PDE11A: variants seen among roughly 807,000 people sequenced by gnomAD.
PDE11A encodes dual 3',5'-cyclic-AMP and -GMP phosphodiesterase 11A.
Under a neutral mutation model 100.5 loss-of-function variants are expected in PDE11A, and 100 were observed. The ratio of observed to expected loss-of-function variants is 1.00; its 90% CI spans 0.85 to 1.18. The LOEUF (loss-of-function observed/expected upper bound fraction) is 1.18, where lower values mean the gene tolerates loss of function less well. PDE11A is among the 50% of genes most tolerant of loss of function. The pLI is 0.00. For missense variants in PDE11A, 1,141 were observed against 1,152.6 expected, an observed-to-expected ratio of 0.99 and a Z score of 0.15; for synonymous variants, 381 against 420.8, an observed-to-expected ratio of 0.91 and a Z score of 1.16.
At chr2:177,776,336 T>G (rs937620361) in intron 9 of PDE11A, among the ~76,000 whole-genome samples, 1 of 152,230 alleles carries the variant, frequency 6.6e-6, no homozygotes, top group Non-Finnish European at 1.5e-5. Flanking sequence ...ACCCTCCTTC[T>G]ACATGCTCCA....
chr2:178,073,343 C>T (rs1212322104), upstream of PDE11A, among the ~76,000 whole-genome samples: 2 of 152,008 alleles, frequency 1.3e-5, no homozygotes, highest in Non-Finnish European at 1.5e-5. Context: ...ATAAAGTTTC[C>T]GATGTGAGCA....
chr2:177,906,461 C>A (rs79686215), intron 2 of PDE11A, among the ~76,000 whole-genome samples: 6,722 of 152,286 alleles, frequency 0.044, 214 homozygotes, highest in Middle Eastern at 0.12. Flanking sequence ...CTATTAAAAT[C>A]TTTCCTTGGT....
intron 2 of PDE11A, among the ~76,000 whole-genome samples, chr2:177,951,672 C>T (rs2085506815): frequency 6.6e-6 from 1 of 152,130 alleles, no homozygotes; most frequent in Non-Finnish European, 1.5e-5. Context: ...GGATATGTGA[C>T]ACCTGTTCAT....
chr2:178,071,120 C>G (rs933426942), intron 1 of PDE11A, among the ~76,000 whole-genome samples: 2 of 152,116 alleles, frequency 1.3e-5, no homozygotes, highest in Admixed American at 6.5e-5. Context: ...CCAAAGACAC[C>G]AAAATGCTCA....
At chr2:177,655,464 C>A (rs1223471129) in intron 19 of PDE11A, among the ~76,000 whole-genome samples, 1 of 152,164 alleles carries the variant, frequency 6.6e-6, no homozygotes, top group East Asian at 1.9e-4. Context: ...AGGAACTAAT[C>A]CATTCTTCTA....
intron 12 of PDE11A, 125 bp from the exon 13 acceptor site, chr2:177,712,003 C>A: frequency 1.5e-6 from 1 of 647,800 alleles, no homozygotes; most frequent in South Asian, 1.8e-5. Flanking sequence ...TTAACTGCCA[C>A]TCCCTCAGAC....
At chr2:177,845,179 C>A (rs1197883454) in intron 5 of PDE11A, among the ~76,000 whole-genome samples, 1 of 150,854 alleles carries the variant, frequency 6.6e-6, no homozygotes, top group Non-Finnish European at 1.5e-5. Context: ...TGACCCCCCC[C>A]ACCTCCCTCC....
intron 18 of PDE11A, among the ~76,000 whole-genome samples, chr2:177,667,916 C>A (rs1474637613): frequency 3.9e-5 from 6 of 152,134 alleles, no homozygotes; most frequent in Non-Finnish European, 1.5e-5. Flanking sequence ...GAGGGGGCTC[C>A]AGGACAGTTT....
At chr2:177,934,778 T>C (rs1287445149) in intron 2 of PDE11A, among the ~76,000 whole-genome samples, 1 of 152,230 alleles carries the variant, frequency 6.6e-6, no homozygotes, top group Non-Finnish European at 1.5e-5. Context: ...ATGTGATATA[T>C]ATACACCATG....
chr2:178,106,087 C>T (rs933564885), intron 1 of PDE11A, among the ~76,000 whole-genome samples: 1 of 152,096 alleles, frequency 6.6e-6, no homozygotes, highest in African/African-American at 2.4e-5. Flanking sequence ...TGTTATTCTG[C>T]CAATATTGAA....
At chr2:178,106,915 G>A (rs1171372885) in intron 1 of PDE11A, among the ~76,000 whole-genome samples, 3 of 142,342 alleles carry the variant, frequency 2.1e-5, no homozygotes, top group South Asian at 4.5e-4. Context: ...AGCCGAGATC[G>A]TGTCACTGCA....
chr2:177,848,738 A>G (rs1373810934), intron 5 of PDE11A, among the ~76,000 whole-genome samples: 1 of 152,204 alleles, frequency 6.6e-6, no homozygotes, highest in Non-Finnish European at 1.5e-5. Context: ...AGGGCTGACA[A>G]GTTGCAGAGT....
At chr2:177,913,332 C>T (rs189607114) in intron 2 of PDE11A, among the ~76,000 whole-genome samples, 7 of 152,232 alleles carry the variant, frequency 4.6e-5, no homozygotes, top group Non-Finnish European at 8.8e-5. Context: ...TTATTCAACA[C>T]ACAACTTATA....
chr2:177,965,675 T>A (rs912760482), intron 2 of PDE11A, among the ~76,000 whole-genome samples: 2 of 152,184 alleles, frequency 1.3e-5, no homozygotes, highest in African/African-American at 2.4e-5. Context: ...GTTGTAGGTG[T>A]GTGGCTTTAT....
chr2:177,879,024 A>T (rs535105865), intron 4 of PDE11A, among the ~76,000 whole-genome samples: 2 of 152,302 alleles, frequency 1.3e-5, no homozygotes, highest in Non-Finnish European at 2.9e-5. Flanking sequence ...CATTTTTTTA[A>T]TTCCTGATCT....
At chr2:177,839,405 C>T (rs976528490) in intron 6 of PDE11A, among the ~76,000 whole-genome samples, 1 of 152,190 alleles carries the variant, frequency 6.6e-6, no homozygotes. Flanking sequence ...TGTGATCATT[C>T]TAAAATATAA....
At chr2:178,049,579 G>T (rs1288320617) in intron 1 of PDE11A, among the ~76,000 whole-genome samples, 1 of 152,188 alleles carries the variant, frequency 6.6e-6, no homozygotes, top group Middle Eastern at 3.2e-3. Context: ...AGTGCAAGGG[G>T]TTGGGGAATT....
chr2:178,003,853 A>G lies in PDE11A; in HGVS notation c.1071+10449T>C, dbSNP rs138960981. 3.7e-3 allele frequency among the ~76,000 whole-genome samples: 561 copies of G among 152,224 alleles called. 3 individuals carry two copies. Among genetic ancestry groups the G allele is most frequent in the African/African-American group, 0.012 (515 of 41,484 alleles). On this transcript the variant is annotated intron_variant, in intron 2 of 19. Coordinates refer to ENST00000286063, the MANE Select transcript of PDE11A (RefSeq NM_016953.4). ...TTTTGACCTATAGAACAGCAATTTA[A>G]TAGTTCAACCTAACAGCTATTCTAA...
At chr2:178,016,058 G>T (rs573074449) in intron 1 of PDE11A, among the ~76,000 whole-genome samples, 2 of 151,208 alleles carry the variant, frequency 1.3e-5, no homozygotes, top group African/African-American at 4.9e-5. Context: ...TCCACCTCCC[G>T]GGTTCAAGCG....
Sources: allele counts gnomAD v4.1 joint callset (sites outside exome capture counted in the v4.1 genomes callset), GRCh38; gene constraint gnomAD v4.1.1; transcripts MANE v1.5; gene names NCBI Gene and HGNC (gene_info 2026-07-23, HGNC 2026-07-21).